The following SBF2 variants were observed in gnomAD, a reference collection of about 807,000 sequenced individuals.
SBF2 encodes myotubularin-related protein 13.
SBF2 carries 112 observed loss-of-function variants against 225.2 expected under a neutral mutation model. That is an observed-to-expected ratio of 0.50 (90% CI 0.43 to 0.58). The LOEUF is 0.58. Ranked by LOEUF, SBF2 falls within the 20% of genes least tolerant of loss-of-function variation. The pLI is 0.00. For missense variants in SBF2, 1,996 were observed against 2,206.2 expected (o/e 0.90, Z 1.91); for synonymous variants, 763 against 773.3 (o/e 0.99, Z 0.22).
intron 2 of SBF2, among the ~76,000 whole-genome samples, chr11:10,139,492 A>G (rs1174447734): frequency 6.6e-6 from 1 of 152,202 alleles, no homozygotes; most frequent in Non-Finnish European, 1.5e-5. Flanking sequence ...GGCCCCTTGC[A>G]TTTATTACAC....
intron 16 of SBF2, among the ~76,000 whole-genome samples, chr11:9,911,636 T>G (rs1478307602): frequency 1.3e-5 from 2 of 152,232 alleles, no homozygotes; most frequent in Non-Finnish European, 2.9e-5. Flanking sequence ...CATACAGTGA[T>G]GTCCTAGACC....
intron 2 of SBF2, among the ~76,000 whole-genome samples, chr11:10,125,503 A>G (rs1953707347): frequency 6.6e-6 from 1 of 152,224 alleles, no homozygotes; most frequent in Admixed American, 6.5e-5. Flanking sequence ...CTATAAAACT[A>G]CATAGCCTCC....
intron 2 of SBF2, among the ~76,000 whole-genome samples, chr11:10,187,070 C>G (rs1956955136): frequency 6.6e-6 from 1 of 152,182 alleles, no homozygotes; most frequent in South Asian, 2.1e-4. Context: ...TTACAGCTAA[C>G]TGGCTTTGTG....
intron 6 of SBF2, among the ~76,000 whole-genome samples, chr11:10,019,350 G>C (rs1331761256): frequency 6.6e-6 from 1 of 152,168 alleles, no homozygotes; most frequent in Non-Finnish European, 1.5e-5. Context: ...CTTCAGAAAA[G>C]TGCCCCAGAG....
rs576060223 is a variant in SBF2 at position 9,920,437 on chromosome 11, C to T, written c.1861-24426G>A. On this transcript the variant is annotated intron_variant, in intron 16 of 39. Transcript: ENST00000256190. ...GACCTGATCTAGATATTCTAGGCAC[C>T]AGTGCAAGAAGTATATACTATTAAT... Among the ~76,000 whole-genome samples the T allele has an allele frequency of 8.5e-5, 13 of 152,102 alleles. No homozygotes were observed. The East Asian group carries it at 1.2e-3, about 14-fold the overall frequency.
At position 10,099,825 on chromosome 11, in the gene SBF2, C is replaced by A. The variant is rs190763483; in HGVS notation, c.142-56844G>T. On this transcript the variant is annotated intron_variant, in intron 2 of 39. Coordinates refer to ENST00000256190, the MANE Select transcript of SBF2 (RefSeq NM_030962.4). ...ATATGTCTTATGAAAACCAAACACA[C>A]ACACACACCTCTAATAGAAACAAAG... 3.1e-3 allele frequency among the ~76,000 whole-genome samples: 472 copies of A among 152,104 alleles called. 3 individuals are homozygous for A. The highest frequency in any genetic ancestry group is 5.6e-3 in the Admixed American group (85 of 15,286).
At chr11:10,156,239 C>G (rs1163719603) in intron 2 of SBF2, among the ~76,000 whole-genome samples, 1 of 152,236 alleles carries the variant, frequency 6.6e-6, no homozygotes, top group Non-Finnish European at 1.5e-5. Flanking sequence ...GTGGTGCTGA[C>G]ATGACAGCCC....
chr11:9,995,115 T>A (rs769989873), intron 9 of SBF2, among the ~76,000 whole-genome samples: 4 of 151,754 alleles, frequency 2.6e-5, no homozygotes, highest in African/African-American at 9.7e-5. Context: ...CAGGTGAAAG[T>A]ATAAAACTAT....
At chr11:9,836,196 G>A (rs1044527052) in intron 26 of SBF2, among the ~76,000 whole-genome samples, 1 of 151,864 alleles carries the variant, frequency 6.6e-6, no homozygotes, top group South Asian at 2.1e-4. Flanking sequence ...ATACCTCAAG[G>A]TCATGGAGAC....
intron 25 of SBF2, among the ~76,000 whole-genome samples, chr11:9,841,003 T>C (rs749197235): frequency 1.9e-4 from 29 of 152,050 alleles, no homozygotes; most frequent in Admixed American, 6.6e-5. Flanking sequence ...CTAATTTACT[T>C]CCCTATTTAT....
intron 30 of SBF2, 156 bp from the exon 31 acceptor site, chr11:9,809,158 A>C (rs944975821): frequency 5.0e-6 from 3 of 605,494 alleles, no homozygotes; most frequent in South Asian, 3.7e-5. Context: ...AGTTCTTTCA[A>C]ATCAAGATTA....
chr11:9,852,640 G>A (rs541844907), intron 21 of SBF2, 36 bp downstream of exon 21: 2 of 1,489,678 alleles, frequency 1.3e-6, no homozygotes, highest in South Asian at 2.3e-5. Flanking sequence ...TTTAAGAAGA[G>A]AGGCTATACC....
intron 6 of SBF2, among the ~76,000 whole-genome samples, chr11:10,026,288 T>C (rs1484630003): frequency 6.6e-6 from 1 of 152,210 alleles, no homozygotes; most frequent in Non-Finnish European, 1.5e-5. Flanking sequence ...TACCTTTTCA[T>C]AGTAAACCTC....
chr11:10,296,275 T>C (rs1043241421), upstream of SBF2, among the ~76,000 whole-genome samples: 2 of 152,302 alleles, frequency 1.3e-5, no homozygotes, highest in Admixed American at 6.5e-5. Context: ...TAATATTCCA[T>C]TGTATATTGT....
chr11:10,139,907 G>A (rs1181267903), intron 2 of SBF2, among the ~76,000 whole-genome samples: 1 of 152,178 alleles, frequency 6.6e-6, no homozygotes, highest in Non-Finnish European at 1.5e-5. Context: ...ATTAGCAGAA[G>A]TATAAGTCAA....
At chr11:10,104,089 A>T (rs945914142) in intron 2 of SBF2, among the ~76,000 whole-genome samples, 1 of 141,782 alleles carries the variant, frequency 7.1e-6, no homozygotes, top group African/African-American at 2.6e-5. Flanking sequence ...CCTGTCTCAG[A>T]AAAAAAAAAA....
chr11:10,056,952 G>A (rs529498405), intron 2 of SBF2, among the ~76,000 whole-genome samples: 15 of 151,964 alleles, frequency 9.9e-5, no homozygotes, highest in African/African-American at 3.4e-4. Context: ...TTCCAATCCC[G>A]TTCCTCCTCA....
intron 2 of SBF2, among the ~76,000 whole-genome samples, chr11:10,134,258 T>C (rs1232333673): frequency 1.3e-5 from 2 of 152,170 alleles, no homozygotes; most frequent in Admixed American, 6.5e-5. Context: ...GCCCCCCTGA[T>C]TCAATTACCT....
At chr11:9,990,208 A>C (rs534170690) in intron 12 of SBF2, among the ~76,000 whole-genome samples, 2 of 152,220 alleles carry the variant, frequency 1.3e-5, no homozygotes, top group African/African-American at 2.4e-5. Context: ...TAGATGGATG[A>C]CAAAAATAAA....
Sources: allele counts gnomAD v4.1 joint callset (sites outside exome capture counted in the v4.1 genomes callset), GRCh38; gene constraint gnomAD v4.1.1; transcripts MANE v1.5; gene names NCBI Gene and HGNC (gene_info 2026-07-23, HGNC 2026-07-21).